Variants in SPTBN1 observed in about 807,000 individuals in gnomAD.
The protein encoded by SPTBN1 is spectrin beta chain, non-erythrocytic 1.
SPTBN1 carries 32 observed loss-of-function variants against 266.4 expected under a neutral mutation model. The observed-to-expected ratio is 0.12, with a 90% CI of 0.09 to 0.16. SPTBN1 has a LOEUF of 0.16. SPTBN1 is among the 10% of genes least tolerant of loss of function. The probability of loss-of-function intolerance (pLI) is 1.00; values close to 1 mark genes in which losing one functional copy is unlikely to be tolerated. For missense variants in SPTBN1, 2,296 were observed against 3,067.1 expected (o/e 0.75, Z 5.94); for synonymous variants, 1,336 against 1,162.2 (o/e 1.15, Z -3.04).
At chr2:54,595,722 G>A (rs1676034465) in intron 2 of SPTBN1, among the ~76,000 whole-genome samples, 1 of 152,166 alleles carries the variant, frequency 6.6e-6, no homozygotes. Flanking sequence ...GGTGCTCTCT[G>A]GGGAGTGTCT....
At chr2:54,596,177 G>A (rs1254012576) in intron 2 of SPTBN1, among the ~76,000 whole-genome samples, 1 of 152,146 alleles carries the variant, frequency 6.6e-6, no homozygotes, top group Non-Finnish European at 1.5e-5. Flanking sequence ...TTCATCGTCA[G>A]TGCCAAGGGC....
chr2:54,668,643 C>A lies in SPTBN1; in HGVS notation c.*74C>A. On this transcript the variant is annotated 3_prime_UTR_variant, in exon 36 of 36. Coordinates refer to ENST00000356805, the MANE Select transcript of SPTBN1 (RefSeq NM_003128.3). ...CCAGCATGCAAGCTCAGAACCAACA[C>A]ATTACTCTCTGTGCCTAATGTTCCT... 2 of 1,389,694 alleles carry A rather than the reference C, an allele frequency of 1.4e-6. No individual in the cohort carries two copies. The highest frequency in any genetic ancestry group is 2.0e-6 in the Non-Finnish European group (2 of 1,008,290). 86.1% of individuals were successfully genotyped at this position (1,389,694 alleles called of 1,614,324 possible). A position where few individuals can be genotyped will look rare whatever the true frequency, so the allele number is the denominator to read the frequency against.
At chr2:54,487,303 T>C (rs1277058591) in intron 1 of SPTBN1, among the ~76,000 whole-genome samples, 1 of 151,856 alleles carries the variant, frequency 6.6e-6, no homozygotes, top group Non-Finnish European at 1.5e-5. Context: ...TTTCACGTAA[T>C]GAAATTAAGC....
intron 18 of SPTBN1, 30 bp from the exon 19 acceptor site, chr2:54,642,953 A>T: frequency 6.3e-7 from 1 of 1,598,020 alleles, no homozygotes; most frequent in Non-Finnish European, 8.5e-7. Flanking sequence ...CTAGGATCAC[A>T]ATCTCTGAAT....
At chr2:54,618,436 A>G (rs577880441) in intron 7 of SPTBN1, among the ~76,000 whole-genome samples, 1 of 152,354 alleles carries the variant, frequency 6.6e-6, no homozygotes, top group African/African-American at 2.4e-5. Flanking sequence ...TAGCATGTGC[A>G]AAGGTGCAGA....
intron 1 of SPTBN1, among the ~76,000 whole-genome samples, chr2:54,491,300 A>G (rs1354426953): frequency 2.0e-5 from 3 of 152,214 alleles, no homozygotes; most frequent in Non-Finnish European, 4.4e-5. Context: ...CTCCAAAACC[A>G]TACTCAAGGA....
At chr2:54,502,390 C>G (rs896525486) in intron 1 of SPTBN1, among the ~76,000 whole-genome samples, 1 of 152,070 alleles carries the variant, frequency 6.6e-6, no homozygotes, top group African/African-American at 2.4e-5. Flanking sequence ...TGCACGCCCC[C>G]CAACCCAGCC....
intron 1 of SPTBN1, among the ~76,000 whole-genome samples, chr2:54,464,670 CT>C (rs944072647): frequency 2.6e-5 from 4 of 151,714 alleles, no homozygotes; most frequent in Non-Finnish European, 5.9e-5. Flanking sequence ...GTTTGAGGAA[CT>C]TTTTTTTGTT....
chr2:54,658,250 C>T (rs1019281853), intron 30 of SPTBN1, among the ~76,000 whole-genome samples: 1 of 152,158 alleles, frequency 6.6e-6, no homozygotes, highest in African/African-American at 2.4e-5. Context: ...CAGTCACATC[C>T]TGGGCACCTG....
rs1020175965 is a variant in SPTBN1, at chr2:54,629,503, C to T, written c.2369C>T (p.Ala790Val). Residue 790 changes from alanine (A) to valine (V), a missense_variant, in exon 14 of 36, where the codon GCG (alanine) becomes GTG (valine). Around this residue, in one of 12 missense-constraint regions of SPTBN1, gnomAD observed 434 missense variants for 573.9 expected, o/e 0.76. Coordinates refer to ENST00000356805, the MANE Select transcript of SPTBN1 (RefSeq NM_003128.3). ...CTGGTCAAGAAACACAAGGACGTGGCGGAAGAGATCGCCAATTACAGGCCC... is the reference window on the plus strand; with the variant it reads ...CTGGTCAAGAAACACAAGGACGTGGTGGAAGAGATCGCCAATTACAGGCCC... ...QSLVKKHKDV[A>V]EEIANYRPTL... 1.1e-5 allele frequency: 18 copies of T among 1,614,114 alleles called. 1 individual carries two copies. The highest frequency in any genetic ancestry group is 1.7e-4 in the Middle Eastern group (1 of 6,060).
At chr2:54,481,622 A>G (rs1668111170) in intron 1 of SPTBN1, among the ~76,000 whole-genome samples, 1 of 152,122 alleles carries the variant, frequency 6.6e-6, no homozygotes, top group Admixed American at 6.5e-5. Flanking sequence ...TGGATTTTGG[A>G]CCAATACCGG....
intron 2 of SPTBN1, among the ~76,000 whole-genome samples, chr2:54,571,831 TTCCTTCCAGGGGCC>T (rs1163091722): frequency 1.3e-5 from 2 of 152,196 alleles, no homozygotes; most frequent in East Asian, 3.8e-4. Context: ...TTAGCTGGTT[TTCCTTCCAGGGGCC>T]TCTTCCCTGA....
intron 2 of SPTBN1, among the ~76,000 whole-genome samples, chr2:54,552,375 G>A (rs1312239098): frequency 6.6e-6 from 1 of 151,922 alleles, no homozygotes; most frequent in African/African-American, 2.4e-5. Flanking sequence ...CTGTGAGGTT[G>A]GTCCCATTAT....
At chr2:54,537,254 C>T (rs772833075) in intron 2 of SPTBN1, among the ~76,000 whole-genome samples, 1 of 152,180 alleles carries the variant, frequency 6.6e-6, no homozygotes, top group Non-Finnish European at 1.5e-5. Flanking sequence ...CCAGCTCTTG[C>T]CTATCCTTTG....
At chr2:54,490,138 C>G (rs1187958146) in intron 1 of SPTBN1, among the ~76,000 whole-genome samples, 2 of 148,758 alleles carry the variant, frequency 1.3e-5, no homozygotes, top group African/African-American at 5.0e-5. Flanking sequence ...GGAGTGCAAT[C>G]TCAGCTCACT....
intron 1 of SPTBN1, among the ~76,000 whole-genome samples, chr2:54,496,394 C>T (rs1270355865): frequency 1.3e-5 from 2 of 148,292 alleles, no homozygotes; most frequent in African/African-American, 2.5e-5. Context: ...GCCGAGATTG[C>T]GCCACTGCAC....
At chr2:54,488,358 C>T (rs1481872248) in intron 1 of SPTBN1, among the ~76,000 whole-genome samples, 2 of 152,168 alleles carry the variant, frequency 1.3e-5, no homozygotes, top group Non-Finnish European at 2.9e-5. Flanking sequence ...GTCCCTTGCA[C>T]CCCTGAGAGT....
At chr2:54,500,420 T>G (rs772536113) in intron 1 of SPTBN1, among the ~76,000 whole-genome samples, 12 of 152,146 alleles carry the variant, frequency 7.9e-5, no homozygotes, top group Non-Finnish European at 1.6e-4. Flanking sequence ...TCCACTGTGT[T>G]AAGGAGGGGT....
chr2:54,529,824 A>G (rs1028153354), intron 2 of SPTBN1: 4 of 451,290 alleles, frequency 8.9e-6, no homozygotes, highest in Admixed American at 5.1e-5. Flanking sequence ...CCATCTGGCT[A>G]ATTCTAAATA....
Sources: allele counts gnomAD v4.1 joint callset (sites outside exome capture counted in the v4.1 genomes callset), GRCh38; gene constraint gnomAD v4.1.1; regional missense constraint gnomAD v4.1.1; transcripts MANE v1.5; gene names NCBI Gene and HGNC (gene_info 2026-07-23, HGNC 2026-07-21).